The following TEX9 variants were observed in gnomAD, a reference collection of about 807,000 sequenced individuals.
The protein encoded by TEX9 is testis expressed 9.
Under a neutral mutation model 59.6 loss-of-function variants are expected in TEX9, and 74 were observed. The observed-to-expected ratio is 1.24, with a 90% CI of 1.03 to 1.51. TEX9 has a LOEUF of 1.51. TEX9 is among the 40% of genes most tolerant of loss of function. The pLI is 0.00. For synonymous variants in TEX9, 186 were observed against 152.2 expected, an observed-to-expected ratio of 1.22 and a Z score of -1.64; for missense variants, 522 against 447.8, an observed-to-expected ratio of 1.17 and a Z score of -1.49.
chr15:56,395,706 A>G lies in TEX9; in HGVS notation c.828+872A>G, dbSNP rs575174097. On this transcript the variant is annotated intron_variant, in intron 9 of 12. Coordinates refer to ENST00000352903, the Ensembl canonical transcript of TEX9. The stretch of plus-strand genomic sequence containing the variant: ...TTACCTCATTGTGGTTTTGATTTGC[A>G]TTTCCCTAATAACTAATGATGTTGA... 4 of 152,280 alleles carry G rather than the reference A, an allele frequency of 2.6e-5. No homozygotes were observed. In the South Asian group the frequency reaches 6.2e-4, roughly 24 times the overall value. The allele number at this position is 152,280 out of a possible 1,614,324, so 9.4% of individuals were successfully genotyped here.
chr15:56,363,044 C>T (rs572899539), upstream of TEX9, among the ~76,000 whole-genome samples: 10 of 152,024 alleles, frequency 6.6e-5, no homozygotes, highest in Non-Finnish European at 1.5e-4. Flanking sequence ...TATGAATAAT[C>T]CTGACATAAA....
intron 1 of TEX9, among the ~76,000 whole-genome samples, chr15:56,303,437 G>T (rs2045407426): frequency 6.6e-6 from 1 of 152,042 alleles, no homozygotes; most frequent in Non-Finnish European, 1.5e-5. Context: ...TATATGATAT[G>T]CTCCTGAATG....
At chr15:56,432,911 T>C (rs1315093909) in intron 12 of TEX9, among the ~76,000 whole-genome samples, 1 of 152,210 alleles carries the variant, frequency 6.6e-6, no homozygotes, top group Non-Finnish European at 1.5e-5. Context: ...CTTCTCTTCC[T>C]ACCGATTTTC....
In TEX9 at chr15:56,302,721, T is replaced by C. The variant is rs1333346996; in HGVS notation, c.-107+58443T>C. The stretch of plus-strand genomic sequence containing the variant: ...GTTCTTACTTATCAATAATAACAGT[T>C]AATGTAGATAGACTAAAGTCTTCAA... On this transcript the variant is annotated intron_variant, in intron 1 of 5. Transcript: ENST00000560827. Among the ~76,000 whole-genome samples, 4 of 152,080 alleles carry C rather than the reference T, an allele frequency of 2.6e-5. No homozygotes were observed. In the East Asian group the frequency reaches 7.7e-4, roughly 29 times the overall value.
At chr15:56,330,187 A>T (rs2046111693) in intron 1 of TEX9, among the ~76,000 whole-genome samples, 1 of 152,188 alleles carries the variant, frequency 6.6e-6, no homozygotes, top group South Asian at 2.1e-4. Flanking sequence ...GTGAAAATAT[A>T]CTTCAAACAT....
chr15:56,244,926 G>T (rs1205399433), intron 1 of TEX9, among the ~76,000 whole-genome samples: 1 of 152,146 alleles, frequency 6.6e-6, no homozygotes, highest in Non-Finnish European at 1.5e-5. Flanking sequence ...CAGGGAGGCT[G>T]CGTGGATGTA....
At chr15:56,399,696 A>G (rs762855268) in intron 9 of TEX9, among the ~76,000 whole-genome samples, 1 of 152,136 alleles carries the variant, frequency 6.6e-6, no homozygotes, top group Non-Finnish European at 1.5e-5. Flanking sequence ...TAACTGTGAC[A>G]CACCTCCCAG....
intron 4 of TEX9, among the ~76,000 whole-genome samples, chr15:56,385,396 T>C (rs1368882684): frequency 6.6e-6 from 1 of 152,116 alleles, no homozygotes; most frequent in Non-Finnish European, 1.5e-5. Flanking sequence ...TCATGACTAC[T>C]GATACAATTT....
At chr15:56,327,224 A>G (rs1180334998) in intron 1 of TEX9, among the ~76,000 whole-genome samples, 2 of 152,190 alleles carry the variant, frequency 1.3e-5, no homozygotes, top group East Asian at 1.9e-4. Context: ...GAATCTGCTC[A>G]TATTATTACT....
chr15:56,438,284 C>T (rs534899705), intron 12 of TEX9, among the ~76,000 whole-genome samples: 4 of 152,242 alleles, frequency 2.6e-5, no homozygotes, highest in Admixed American at 1.3e-4. Context: ...ACCAATGGAA[C>T]AGAACAGAGC....
intron 1 of TEX9, among the ~76,000 whole-genome samples, chr15:56,300,724 A>AGAGG (rs1278867414): frequency 1.3e-5 from 2 of 150,176 alleles, no homozygotes; most frequent in African/African-American, 4.9e-5. Flanking sequence ...AGAGAGAGAG[A>AGAGG]GAGAGAGAGA....
intron 12 of TEX9, among the ~76,000 whole-genome samples, chr15:56,438,273 G>A (rs2050762067): frequency 6.6e-6 from 1 of 151,964 alleles, no homozygotes; most frequent in Admixed American, 6.6e-5. Flanking sequence ...CAGAGATATA[G>A]ACCAATGGAA....
intron 7 of TEX9, among the ~76,000 whole-genome samples, 154 bp downstream of exon 7, chr15:56,391,572 A>G (rs2048212545): frequency 6.6e-6 from 1 of 152,034 alleles, no homozygotes; most frequent in South Asian, 2.1e-4. Flanking sequence ...GGGAGGAATG[A>G]ATGGGATTAT....
intron 1 of TEX9, among the ~76,000 whole-genome samples, chr15:56,298,273 G>A (rs2045263125): frequency 6.6e-6 from 1 of 152,288 alleles, no homozygotes; most frequent in South Asian, 2.1e-4. Context: ...GCAGTATCAA[G>A]TACCTTTAGC....
At chr15:56,456,105 C>G in the TEX9 span, among the ~76,000 whole-genome samples, 1 of 152,016 alleles carries the variant, frequency 6.6e-6, no homozygotes, top group South Asian at 2.1e-4. Context: ...TAAGGTTTCT[C>G]TTAAGATTAG....
chr15:56,406,887 A>T (rs892457571), intron 9 of TEX9, among the ~76,000 whole-genome samples: 7 of 152,152 alleles, frequency 4.6e-5, no homozygotes, highest in Admixed American at 1.3e-4. Context: ...TATTTTCTCA[A>T]CAGTGTGTTT....
At chr15:56,333,065 C>CT (rs2046186630) in intron 1 of TEX9, among the ~76,000 whole-genome samples, 1 of 152,086 alleles carries the variant, frequency 6.6e-6, no homozygotes, top group South Asian at 2.1e-4. Context: ...GACTTGATGG[C>CT]TTTTTTGCTG....
At chr15:56,401,046 A>G (rs1004548895) in intron 9 of TEX9, among the ~76,000 whole-genome samples, 1 of 152,216 alleles carries the variant, frequency 6.6e-6, no homozygotes, top group Non-Finnish European at 1.5e-5. Flanking sequence ...GGTAAAGACC[A>G]TCAATGAGAA....
At chr15:56,399,185 G>A (rs35450082) in intron 9 of TEX9, among the ~76,000 whole-genome samples, 35 of 152,186 alleles carry the variant, frequency 2.3e-4, no homozygotes, top group Admixed American at 5.2e-4. Context: ...GCAAGGGGTT[G>A]GGGGATTTCC....
Sources: allele counts gnomAD v4.1 joint callset (sites outside exome capture counted in the v4.1 genomes callset), GRCh38; gene constraint gnomAD v4.1.1; transcripts MANE v1.5; gene names NCBI Gene and HGNC (gene_info 2026-07-23, HGNC 2026-07-21).